IL31RA: variants seen among roughly 807,000 people sequenced by gnomAD.
IL31RA encodes interleukin 31 receptor A, also known as interleukin-31 receptor subunit alpha.
A neutral mutation model predicts 83.7 loss-of-function variants in IL31RA; 66 were observed. The ratio of observed to expected loss-of-function variants is 0.79; its 90% confidence interval spans 0.65 to 0.97. IL31RA has a LOEUF of 0.97. Among genes scored for constraint, IL31RA ranks in the 50% least tolerant of loss-of-function variants. The pLI is 0.00. For missense variants in IL31RA, 798 were observed against 919.4 expected (o/e 0.87, Z 1.71); for synonymous variants, 325 against 329.0 (o/e 0.99, Z 0.13).
chr5:55,887,647 G>A (rs1376269517), intron 5 of IL31RA, among the ~76,000 whole-genome samples: 1 of 152,182 alleles, frequency 6.6e-6, no homozygotes, highest in Non-Finnish European at 1.5e-5. Context: ...AGCACTTTGG[G>A]AGGCTGAGGC....
chr5:55,881,542 T>G (rs184489550), intron 4 of IL31RA, among the ~76,000 whole-genome samples: 1 of 151,890 alleles, frequency 6.6e-6, no homozygotes, highest in Non-Finnish European at 1.5e-5. Context: ...CACGGCGGCC[T>G]GCTAGAACTT....
intron 4 of IL31RA, among the ~76,000 whole-genome samples, chr5:55,879,323 C>T (rs1344961318): frequency 6.6e-6 from 1 of 151,566 alleles, no homozygotes; most frequent in Non-Finnish European, 1.5e-5. Flanking sequence ...TATTTTCCTG[C>T]CACTTTGAAG....
intron 4 of IL31RA, among the ~76,000 whole-genome samples, chr5:55,881,667 A>G (rs879499001): frequency 3.0e-5 from 4 of 133,634 alleles, no homozygotes; most frequent in African/African-American, 5.8e-5. Context: ...AAACTCTGCC[A>G]TTTTGCCTCT....
At chr5:55,904,343 A>T (rs1296091814) in intron 8 of IL31RA, among the ~76,000 whole-genome samples, 1 of 152,122 alleles carries the variant, frequency 6.6e-6, no homozygotes, top group Non-Finnish European at 1.5e-5. Context: ...AAGGAAGCTG[A>T]GTGGGTCTGG....
chr5:55,860,378 AAAT>A (rs1273013321), intron 2 of IL31RA, among the ~76,000 whole-genome samples: 7 of 40,648 alleles, frequency 1.7e-4, no homozygotes, highest in Admixed American at 3.6e-4. Context: ...AAAAAAAAAA[AAAT>A]GTTATGTGAA....
chr5:55,872,248 T>G, intron 3 of IL31RA, 22 bp from the exon 4 acceptor site: 1 of 1,572,182 alleles, frequency 6.4e-7, no homozygotes. Context: ...AAACTCATGT[T>G]GAATCACTTT....
rs770450341 is a variant in IL31RA at position 55,914,947 on chromosome 5, A to G, written c.1818+19A>G. ...TTTCAAGGTAAACTCTCCTGTTTTT[A>G]TTAAGGAAATCATTGCCGTGGGAGG... On this transcript the variant is annotated intron_variant, in intron 14 of 14. Transcript: ENST00000652347. 8 of 1,562,182 alleles carry G rather than the reference A, an allele frequency of 5.1e-6. No individual in the cohort carries two copies. The East Asian group carries it at 1.1e-4, about 22-fold the overall frequency.
intron 6 of IL31RA, among the ~76,000 whole-genome samples, chr5:55,891,663 G>A (rs1246839496): frequency 6.8e-6 from 1 of 146,732 alleles, no homozygotes; most frequent in African/African-American, 2.5e-5. Context: ...GCTAATCCAA[G>A]ATAATGTTCC....
chr5:55,915,053 A>G (rs1466097848), intron 14 of IL31RA, 125 bp downstream of exon 14: 5 of 770,894 alleles, frequency 6.5e-6, no homozygotes, highest in Non-Finnish European at 1.1e-5. Flanking sequence ...TGGAGTTGAA[A>G]AGTCTCAGGG....
intron 1 of IL31RA, among the ~76,000 whole-genome samples, chr5:55,852,665 C>T (rs939483652): frequency 9.2e-5 from 14 of 152,116 alleles, no homozygotes; most frequent in Admixed American, 7.2e-4. Context: ...ATCTCTTCCC[C>T]GGTCTATTTA....
Position 55,916,726 on chromosome 5 carries a change from A to C in IL31RA, c.1901A>C (p.Lys634Thr). 6.2e-7 allele frequency: 1 copy of C among 1,614,210 alleles called. No homozygotes were observed. The highest frequency in any genetic ancestry group is 8.5e-7 in the Non-Finnish European group (1 of 1,180,034). The change falls in exon 15 of 15, where the codon AAG becomes ACG. Residue 634 changes from lysine (K) to threonine (T), a missense_variant. Coordinates refer to ENST00000652347, the MANE Select transcript of IL31RA (RefSeq NM_139017.7). ...AAACCATGTTCCACCCCCAGTGACA[A>C]GTTGGTGATTGACAAGTTGGTGGTG... ...ILKPCSTPSD[K>T]LVIDKLVVNF...
intron 5 of IL31RA, 31 bp downstream of exon 5, chr5:55,883,226 T>TTTTTTTTTC (rs1323389419): frequency 6.5e-7 from 1 of 1,543,078 alleles, no homozygotes. Flanking sequence ...AATATTCCAA[T>TTTTTTTTTC]TAGAGGCCCA....
At chr5:55,857,650 T>C (rs1032443527) in intron 1 of IL31RA, among the ~76,000 whole-genome samples, 2 of 152,222 alleles carry the variant, frequency 1.3e-5, no homozygotes, top group African/African-American at 4.8e-5. Context: ...AGTGGACCAG[T>C]GGTTCTTAAC....
chr5:55,918,691 C>T lies in IL31RA; in HGVS notation c.*1571C>T, dbSNP rs1189746886. Among the ~76,000 whole-genome samples, 1 of 152,154 alleles carries T rather than the reference C, an allele frequency of 6.6e-6. No homozygotes were observed. Among genetic ancestry groups the T allele is most frequent in the Non-Finnish European group, 1.5e-5 (1 of 68,026 alleles). ...GGTCCCTCCTGTCCCTGTTGGGTCA[C>T]CTACCACTTACCTTAGCCAATTGCT... is the stretch of plus-strand genomic sequence containing the variant. On this transcript the variant is annotated 3_prime_UTR_variant, in exon 15 of 15. Coordinates refer to ENST00000652347, the MANE Select transcript of IL31RA (RefSeq NM_139017.7).
intron 1 of IL31RA, among the ~76,000 whole-genome samples, chr5:55,853,048 A>G (rs1187371534): frequency 1.3e-5 from 2 of 152,230 alleles, no homozygotes; most frequent in African/African-American, 4.8e-5. Context: ...GTTTTCCTTT[A>G]GACGTAAATA....
chr5:55,845,031 TCA>T, the IL31RA span, among the ~76,000 whole-genome samples: 1 of 152,218 alleles, frequency 6.6e-6, no homozygotes, highest in East Asian at 1.9e-4. Context: ...CTTTTTCCAC[TCA>T]CCCTTAGCAT....
intron 7 of IL31RA, 78 bp from the exon 8 acceptor site, chr5:55,899,838 C>G: frequency 3.1e-6 from 3 of 966,896 alleles, no homozygotes; most frequent in Non-Finnish European, 5.0e-6. Flanking sequence ...CCCACCCTCA[C>G]CCCCACCGCT....
At chr5:55,840,508 G>A in the IL31RA span, among the ~76,000 whole-genome samples, 3 of 152,232 alleles carry the variant, frequency 2.0e-5, no homozygotes, top group East Asian at 3.8e-4. Flanking sequence ...CGCTGCCTTT[G>A]TGGAACTTAC....
In IL31RA at chr5:55,901,263, C is replaced by G. The variant is rs551959192; in HGVS notation, c.1069+1131C>G. ...CTAGTGATGAAGTTCCTGACAAATG[C>G]ACGTGTCATTGGGGCACACATTCTT... On this transcript the variant is annotated intron_variant, in intron 8 of 14. Transcript: ENST00000652347. Among the ~76,000 whole-genome samples the G allele has an allele frequency of 3.3e-4, 51 of 152,326 alleles. No homozygotes were observed. In the South Asian group the frequency reaches 5.0e-3, roughly 15 times the overall value.
Sources: gnomAD v4.1 joint callset for allele counts (sites outside exome capture counted in the v4.1 genomes callset) on GRCh38, gnomAD v4.1.1 for gene constraint, MANE v1.5 for transcripts, NCBI Gene and HGNC (gene_info 2026-07-23, HGNC 2026-07-21) for gene names.